IL1RAPL2: variants seen among roughly 807,000 people sequenced by gnomAD.
IL1RAPL2 encodes the protein X-linked interleukin-1 receptor accessory protein-like 2.
A neutral mutation model predicts 44.1 loss-of-function variants in IL1RAPL2; 3 were observed. The observed-to-expected ratio is 0.07, with a 90% CI of 0.03 to 0.18. IL1RAPL2 has a LOEUF of 0.18. Among genes scored for constraint, IL1RAPL2 ranks in the 10% least tolerant of loss-of-function variants. The probability of loss-of-function intolerance (pLI) is 1.00; values close to 1 mark genes in which losing one functional copy is unlikely to be tolerated. For synonymous variants in IL1RAPL2, 181 were observed against 178.8 expected (o/e 1.01, Z -0.10); for missense variants, 391 against 496.4 (o/e 0.79, Z 2.02).
intron 2 of IL1RAPL2, among the ~76,000 whole-genome samples, chrX:104,672,222 G>T (rs746133008): frequency 9.0e-6 from 1 of 111,081 alleles, no homozygotes; most frequent in Non-Finnish European, 1.9e-5. Context: ...GTCATCTAGC[G>T]TTAGGTATAA....
chrX:105,075,295 A>G (rs1232672840), intron 2 of IL1RAPL2, among the ~76,000 whole-genome samples: 2 of 111,899 alleles, frequency 1.8e-5, no homozygotes, highest in African/African-American at 6.5e-5. Flanking sequence ...ATCTATTGAG[A>G]TAATCATGTG....
chrX:104,895,809 C>T (rs1923626302), intron 2 of IL1RAPL2, among the ~76,000 whole-genome samples: 1 of 111,852 alleles, frequency 8.9e-6, no homozygotes, highest in Non-Finnish European at 1.9e-5. Context: ...CACTGTCGGA[C>T]AAGCCCCAGT....
At chrX:104,675,876 T>C (rs751612450) in intron 2 of IL1RAPL2, among the ~76,000 whole-genome samples, 81 of 106,375 alleles carry the variant, frequency 7.6e-4, no homozygotes, top group African/African-American at 2.6e-3. Flanking sequence ...TCTCTTTCGA[T>C]CTCTGTTGGT....
intron 2 of IL1RAPL2, among the ~76,000 whole-genome samples, chrX:104,857,607 G>T (rs1043780265): frequency 3.6e-5 from 4 of 111,499 alleles, no homozygotes; most frequent in Non-Finnish European, 7.5e-5. Flanking sequence ...GTAGTATTGT[G>T]TGTTCATATT....
chrX:104,654,052 T>TC lies in IL1RAPL2; in HGVS notation c.-19-4836dup, dbSNP rs762282605. On this transcript the variant is annotated intron_variant, in intron 1 of 10. Coordinates refer to ENST00000372582, the MANE Select transcript of IL1RAPL2 (RefSeq NM_017416.2). ...TAGGGACAAAAACTTAAAGATAATT[T>TC]CCCCCCCACCCCCAATGTCTACTGG... is the stretch of plus-strand genomic sequence containing the variant. Among the ~76,000 whole-genome samples, 342 of 110,039 alleles carry TC rather than the reference T, an allele frequency of 3.1e-3. 1 individual carries two copies. The highest frequency in any genetic ancestry group is 4.7e-3 in the Middle Eastern group (1 of 214).
At chrX:105,317,750 A>G (rs1424457316) in intron 5 of IL1RAPL2, among the ~76,000 whole-genome samples, 2 of 110,599 alleles carry the variant, frequency 1.8e-5, no homozygotes, top group African/African-American at 6.6e-5. Context: ...TTCCCCCCTG[A>G]GAACAAAAAG....
chrX:105,131,706 C>T (rs114171268), intron 2 of IL1RAPL2, among the ~76,000 whole-genome samples: 9,511 of 110,221 alleles, frequency 0.086, 1,011 homozygotes, highest in African/African-American at 0.3. Context: ...AACAAGTTAG[C>T]TATTCAAAGT....
At chrX:105,075,550 G>T (rs753268756) in intron 2 of IL1RAPL2, among the ~76,000 whole-genome samples, 10 of 111,760 alleles carry the variant, frequency 8.9e-5, no homozygotes, top group African/African-American at 2.9e-4. Context: ...GATGATGCTG[G>T]CCTCATAAAA....
rs760141766 is a variant in IL1RAPL2, at chrX:104,615,003, G to A, written c.-19-43892G>A. On this transcript the variant is annotated intron_variant, in intron 1 of 10. Transcript: ENST00000372582. ...TGCATTCAAGATTAATATTGATATA[G>A]GAGGTTTTGATCATATCATGAAGTT... Among the ~76,000 whole-genome samples the A allele has an allele frequency of 3.6e-5, 4 of 111,376 alleles. No individual in the cohort carries two copies. In the South Asian group the frequency reaches 1.5e-3, roughly 43 times the overall value.
At chrX:105,700,555 C>T (rs764898147) in intron 6 of IL1RAPL2, among the ~76,000 whole-genome samples, 1 of 111,716 alleles carries the variant, frequency 9.0e-6, no homozygotes. Context: ...AGTGGGACTT[C>T]ATGGTGACAT....
intron 2 of IL1RAPL2, among the ~76,000 whole-genome samples, chrX:105,002,996 A>G (rs1602882079): frequency 1.8e-5 from 2 of 111,457 alleles, no homozygotes; most frequent in East Asian, 5.7e-4. Context: ...AGATAATGGT[A>G]TTACTCTGGA....
chrX:104,568,311 C>T (rs1043923141), intron 1 of IL1RAPL2, among the ~76,000 whole-genome samples: 2 of 111,659 alleles, frequency 1.8e-5, no homozygotes, highest in Non-Finnish European at 3.8e-5. Context: ...GGACACTTCT[C>T]TGAGCCTGCA....
At chrX:105,636,985 T>TG (rs754409427) in intron 6 of IL1RAPL2, among the ~76,000 whole-genome samples, 1 of 110,339 alleles carries the variant, frequency 9.1e-6, no homozygotes, top group Non-Finnish European at 1.9e-5. Context: ...AAGTCTTAGG[T>TG]GGGGGGGAGT....
chrX:105,041,410 C>G (rs764183919), intron 2 of IL1RAPL2, among the ~76,000 whole-genome samples: 1 of 110,622 alleles, frequency 9.0e-6, no homozygotes, highest in East Asian at 2.9e-4. Flanking sequence ...TGGTGCAGAG[C>G]TGAGTTCGAT....
intron 2 of IL1RAPL2, among the ~76,000 whole-genome samples, chrX:104,977,237 G>A (rs1569354613): frequency 8.9e-6 from 1 of 111,833 alleles, no homozygotes; most frequent in African/African-American, 3.3e-5. Context: ...CACATGAGGT[G>A]CAAGTGCAGG....
At chrX:105,613,382 T>C (rs1197358919) in intron 6 of IL1RAPL2, among the ~76,000 whole-genome samples, 2 of 112,079 alleles carry the variant, frequency 1.8e-5, no homozygotes, top group Non-Finnish European at 3.8e-5. Context: ...TGGCTTCAAG[T>C]GAGATTCAGC....
At chrX:105,149,217 T>C (rs1045041983) in intron 2 of IL1RAPL2, among the ~76,000 whole-genome samples, 1 of 111,849 alleles carries the variant, frequency 8.9e-6, no homozygotes, top group East Asian at 2.8e-4. Flanking sequence ...GAATTTAAGG[T>C]ATATCTATAT....
chrX:105,063,891 CCAAA>C (rs948201469), intron 2 of IL1RAPL2, among the ~76,000 whole-genome samples: 17 of 111,772 alleles, frequency 1.5e-4, no homozygotes, highest in Admixed American at 3.8e-4. Flanking sequence ...TTACTTTCTC[CCAAA>C]CAGAGACTCC....
chrX:105,633,487 C>T (rs1053305388), intron 6 of IL1RAPL2, among the ~76,000 whole-genome samples: 8 of 111,143 alleles, frequency 7.2e-5, no homozygotes, highest in South Asian at 3.8e-4. Context: ...GCTTGAGTCT[C>T]GAAAATTTAA....
Sources: allele counts gnomAD v4.1 joint callset (sites outside exome capture counted in the v4.1 genomes callset), GRCh38; gene constraint gnomAD v4.1.1; transcripts MANE v1.5; gene names NCBI Gene and HGNC (gene_info 2026-07-23, HGNC 2026-07-21).